The following SCFD1 variants were observed in gnomAD, a reference collection of about 807,000 sequenced individuals.
SCFD1 encodes the protein sec1 family domain-containing protein 1.
SCFD1 carries 37 observed loss-of-function variants against 103.2 expected under a neutral mutation model. The ratio of observed to expected loss-of-function variants is 0.36; its 90% confidence interval spans 0.28 to 0.47. The LOEUF (loss-of-function observed/expected upper bound fraction) is 0.47. SCFD1 is among the 20% of genes least tolerant of loss of function. The pLI is 1.00. For synonymous variants in SCFD1, 264 were observed against 245.0 expected (o/e 1.08, Z -0.73); for missense variants, 639 against 761.2 (o/e 0.84, Z 1.89).
At chr14:30,642,476 C>T (rs1885378998) in intron 6 of SCFD1, among the ~76,000 whole-genome samples, 1 of 152,170 alleles carries the variant, frequency 6.6e-6, no homozygotes, top group Non-Finnish European at 1.5e-5. Flanking sequence ...TTAAAAACGT[C>T]CAGAGAATTT....
intron 20 of SCFD1, among the ~76,000 whole-genome samples, chr14:30,718,128 C>G (rs1466150025): frequency 1.3e-5 from 2 of 152,040 alleles, no homozygotes; most frequent in Non-Finnish European, 2.9e-5. Context: ...TCATGGAATC[C>G]CAGAACTAGA....
chr14:30,639,857 A>T lies in SCFD1; in HGVS notation c.516A>T (p.Ser172=). 1 of 1,579,844 alleles carries T rather than the reference A, an allele frequency of 6.3e-7. No homozygotes were observed. Among genetic ancestry groups the T allele is most frequent in the Non-Finnish European group, 8.6e-7 (1 of 1,163,604 alleles). Residue 172 remains serine (S), a synonymous_variant, in exon 6 of 25, where the codon TCA becomes TCT. Coordinates refer to ENST00000458591, the MANE Select transcript of SCFD1 (RefSeq NM_016106.4). ...VLCNQNKELV[S]YRAINRPDIT... ...GTAATCAAAATAAGGAGCTTGTTTC[A>T]TATCGTGGTATGTAAAAATAGAAAT...
intron 20 of SCFD1, among the ~76,000 whole-genome samples, chr14:30,718,310 C>G (rs1892424669): frequency 1.3e-5 from 2 of 152,198 alleles, no homozygotes; most frequent in South Asian, 4.1e-4. Flanking sequence ...ATTTCTCTGT[C>G]ATAAACACAT....
In SCFD1 at chr14:30,691,005, A is replaced by G. The variant is rs536127925; in HGVS notation, c.1243-3768A>G. ...TAGAAGAAGATTAATCTTTGGAATT[A>G]CAGAAGTTGCTTCTCTTAGTGTTTT... On this transcript the variant is annotated intron_variant, in intron 14 of 24. Coordinates refer to ENST00000458591, the MANE Select transcript of SCFD1 (RefSeq NM_016106.4). Among the ~76,000 whole-genome samples the G allele has an allele frequency of 7.2e-5, 11 of 152,358 alleles. No homozygotes were observed. In the South Asian group the frequency reaches 2.3e-3, roughly 32 times the overall value.
Position 30,627,334 on chromosome 14 carries a change from G to A in SCFD1, c.62-875G>A, listed in dbSNP as rs556482281. Among the ~76,000 whole-genome samples the A allele has an allele frequency of 5.3e-5, 8 of 152,212 alleles. No homozygotes were observed. The South Asian group carries it at 1.5e-3, about 28-fold the overall frequency. ...GACATAGAATTTTAAGCAACTTTTC[G>A]GTGAATCTGACAGGATAAATTGTTT... is the stretch of plus-strand genomic sequence containing the variant. On this transcript the variant is annotated intron_variant, in intron 1 of 24. Coordinates refer to ENST00000458591, the MANE Select transcript of SCFD1 (RefSeq NM_016106.4).
chr14:30,683,678 G>A (rs948807309), intron 14 of SCFD1: 7 of 183,584 alleles, frequency 3.8e-5, no homozygotes, highest in Admixed American at 6.3e-5. Flanking sequence ...TAGATATTAC[G>A]TCGTAGGTAG....
At chr14:30,730,032 C>T (rs1380533574) in intron 23 of SCFD1, among the ~76,000 whole-genome samples, 4 of 152,150 alleles carry the variant, frequency 2.6e-5, no homozygotes, top group African/African-American at 7.2e-5. Flanking sequence ...CTACAGGTCC[C>T]GGTGTGTGAT....
At chr14:30,726,815 G>A (rs535758823) in intron 23 of SCFD1, among the ~76,000 whole-genome samples, 44 of 152,102 alleles carry the variant, frequency 2.9e-4, no homozygotes, top group African/African-American at 8.0e-4. Flanking sequence ...TCATTAAGTC[G>A]TCTTGCTCAG....
rs183551430 is a variant in SCFD1 at position 30,630,015 on chromosome 14, A to G, written c.133-462A>G. 1.6e-4 allele frequency among the ~76,000 whole-genome samples: 25 copies of G among 152,318 alleles called. No individual in the cohort carries two copies. In the East Asian group the frequency reaches 4.6e-3, roughly 28 times the overall value. ...TTACATCTCTGTTTTTAGAAAAGATATATGTGAACTGGAAAAAAAATAAGG... is the reference window on the plus strand; with the variant it reads ...TTACATCTCTGTTTTTAGAAAAGATGTATGTGAACTGGAAAAAAAATAAGG... On this transcript the variant is annotated intron_variant, in intron 2 of 24. Coordinates refer to ENST00000458591, the MANE Select transcript of SCFD1 (RefSeq NM_016106.4).
At chr14:30,676,142 T>C (rs1251977635) in intron 14 of SCFD1, 3 of 152,202 alleles carry the variant, frequency 2.0e-5, no homozygotes, top group Admixed American at 2.0e-4. Context: ...GATATAGATG[T>C]ATAGATATAT....
intron 1 of SCFD1, among the ~76,000 whole-genome samples, chr14:30,626,881 C>T (rs1230379810): frequency 6.6e-6 from 1 of 152,140 alleles, no homozygotes; most frequent in Admixed American, 6.5e-5. Context: ...CAGCATTATA[C>T]CTACCTCAGC....
At chr14:30,644,849 T>G (rs1046974054) in intron 7 of SCFD1, among the ~76,000 whole-genome samples, 2 of 152,184 alleles carry the variant, frequency 1.3e-5, no homozygotes, top group African/African-American at 4.8e-5. Context: ...TTAGGTCCAA[T>G]TTGTCTGTTT....
intron 16 of SCFD1, 46 bp downstream of exon 16, chr14:30,700,304 G>T: frequency 8.7e-7 from 1 of 1,151,358 alleles, no homozygotes; most frequent in Non-Finnish European, 1.3e-6. Flanking sequence ...ATGCTTGTTT[G>T]TAGACTACTA....
chr14:30,622,351 G>T lies in SCFD1; in HGVS notation c.13G>T (p.Ala5Ser), dbSNP rs772509587. 6.4e-7 allele frequency: 1 copy of T among 1,569,948 alleles called. No individual in the cohort carries two copies. Among genetic ancestry groups the T allele is most frequent in the East Asian group, 2.4e-5 (1 of 42,392 alleles). ...CGTGGGAGCCAAGATGGCGGCGGCGGCGGCAGCGACAGCAGCAGCAGCAGC... is the reference window on the plus strand; with the variant it reads ...CGTGGGAGCCAAGATGGCGGCGGCGTCGGCAGCGACAGCAGCAGCAGCAGC... MAAAAAATAAAAASI... is the reference protein window; with the variant it reads MAAASAATAAAAASI... The change falls in exon 1 of 25, where the codon GCG (alanine) becomes TCG (serine). Residue 5 changes from alanine to serine, a missense_variant. By Grantham distance (99) the Ala-to-Ser change is moderately conservative. Coordinates refer to ENST00000458591, the MANE Select transcript of SCFD1 (RefSeq NM_016106.4).
intron 1 of SCFD1, among the ~76,000 whole-genome samples, chr14:30,625,640 C>T (rs28497232): frequency 6.8e-6 from 1 of 146,276 alleles, no homozygotes; most frequent in African/African-American, 2.5e-5. Context: ...GGTATATAGG[C>T]ATATAGGTAT....
intron 14 of SCFD1, among the ~76,000 whole-genome samples, chr14:30,684,307 A>C (rs1271673170): frequency 6.6e-6 from 1 of 152,166 alleles, no homozygotes; most frequent in Non-Finnish European, 1.5e-5. Flanking sequence ...CACAGTGTCC[A>C]ACTTTAGCGT....
chr14:30,727,340 T>G (rs1893117830), intron 23 of SCFD1, among the ~76,000 whole-genome samples: 3 of 152,244 alleles, frequency 2.0e-5, no homozygotes, highest in Non-Finnish European at 4.4e-5. Flanking sequence ...TGTGTGCATT[T>G]CAGAGACAAC....
intron 14 of SCFD1, among the ~76,000 whole-genome samples, chr14:30,681,303 C>T (rs1019026502): frequency 1.3e-5 from 2 of 151,210 alleles, no homozygotes; most frequent in Non-Finnish European, 2.9e-5. Context: ...AACAAGACAA[C>T]AGTTTACAAA....
intron 15 of SCFD1, among the ~76,000 whole-genome samples, chr14:30,695,707 C>G (rs1053567256): frequency 4.6e-5 from 7 of 151,768 alleles, no homozygotes; most frequent in African/African-American, 1.7e-4. Flanking sequence ...CATATACACA[C>G]AAAAAATGAA....
Sources: allele counts gnomAD v4.1 joint callset (sites outside exome capture counted in the v4.1 genomes callset), GRCh38; gene constraint gnomAD v4.1.1; transcripts MANE v1.5; gene names NCBI Gene and HGNC (gene_info 2026-07-23, HGNC 2026-07-21).